SPOCK3: variants seen among roughly 807,000 people sequenced by gnomAD.
SPOCK3 encodes the protein SPARC (osteonectin), cwcv and kazal like domains proteoglycan 3.
SPOCK3 carries 30 observed loss-of-function variants against 56.6 expected under a neutral mutation model. That is an observed-to-expected ratio of 0.53 (90% confidence interval 0.40 to 0.72). SPOCK3 has a LOEUF of 0.72. Among genes scored for constraint, SPOCK3 ranks in the 30% least tolerant of loss-of-function variants. The pLI, the probability that SPOCK3 is intolerant of heterozygous loss-of-function variation, is 0.00. For synonymous variants in SPOCK3, 196 were observed against 183.3 expected, an observed-to-expected ratio of 1.07 and a Z score of -0.56; for missense variants, 527 against 530.0, an observed-to-expected ratio of 0.99 and a Z score of 0.06.
At chr4:167,000,544 G>C in intron 3 of SPOCK3, 81 bp from the exon 4 acceptor site, 1 of 666,042 alleles carries the variant, frequency 1.5e-6, no homozygotes, top group South Asian at 1.9e-5. Context: ...AATTTGATCA[G>C]GTCATTTACA....
chr4:167,155,292 A>G (rs1436121698), intron 2 of SPOCK3, among the ~76,000 whole-genome samples: 1 of 151,326 alleles, frequency 6.6e-6, no homozygotes, highest in Admixed American at 6.6e-5. Context: ...AATATTTTCT[A>G]TTTTTGTTAG....
intron 6 of SPOCK3, among the ~76,000 whole-genome samples, chr4:166,864,442 C>T (rs527660681): frequency 3.3e-5 from 5 of 152,022 alleles, no homozygotes; most frequent in Non-Finnish European, 5.9e-5. Flanking sequence ...CAGGGAAGAA[C>T]TGAAGGAGAT....
intron 6 of SPOCK3, among the ~76,000 whole-genome samples, chr4:166,796,117 C>T (rs1176219004): frequency 6.6e-6 from 1 of 152,138 alleles, no homozygotes; most frequent in Non-Finnish European, 1.5e-5. Context: ...GCTGGTGCTG[C>T]CCTGATCTTG....
chr4:166,750,828 T>C (rs1481636328), intron 8 of SPOCK3, among the ~76,000 whole-genome samples: 1 of 152,202 alleles, frequency 6.6e-6, no homozygotes, highest in Non-Finnish European at 1.5e-5. Context: ...TTGAAAGAAG[T>C]CATTTCTAAG....
intron 6 of SPOCK3, among the ~76,000 whole-genome samples, chr4:166,826,559 G>C (rs1026875136): frequency 2.6e-5 from 4 of 152,036 alleles, no homozygotes; most frequent in Non-Finnish European, 5.9e-5. Context: ...CATTTTTGTG[G>C]AGAACTCTCC....
chr4:167,110,884 A>T (rs1241550987), intron 2 of SPOCK3, among the ~76,000 whole-genome samples: 1 of 151,968 alleles, frequency 6.6e-6, no homozygotes, highest in East Asian at 1.9e-4. Context: ...CATATAATTT[A>T]TTATACTGGT....
chr4:167,113,587 TACCTAAGG>T (rs1761090134), intron 2 of SPOCK3, among the ~76,000 whole-genome samples: 1 of 152,046 alleles, frequency 6.6e-6, no homozygotes, highest in South Asian at 2.1e-4. Flanking sequence ...ATAAAAACTT[TACCTAAGG>T]GTCTATTAAG....
At chr4:166,761,895 T>TAAAAAA (rs748340803) in intron 7 of SPOCK3, among the ~76,000 whole-genome samples, 1 of 103,384 alleles carries the variant, frequency 9.7e-6, no homozygotes, top group East Asian at 4.4e-4. Context: ...TAGAGTATAA[T>TAAAAAA]AAAAAAAAAA....
intron 2 of SPOCK3, among the ~76,000 whole-genome samples, chr4:167,206,678 C>G (rs1203412047): frequency 1.3e-5 from 2 of 151,942 alleles, no homozygotes; most frequent in East Asian, 3.9e-4. Context: ...CAATAAAACT[C>G]CATCTTAAGA....
chr4:167,070,129 A>T (rs1037576177), intron 2 of SPOCK3, among the ~76,000 whole-genome samples: 1 of 151,994 alleles, frequency 6.6e-6, no homozygotes, highest in Non-Finnish European at 1.5e-5. Flanking sequence ...ACCCAAATAG[A>T]ACATAATTAC....
At chr4:166,950,047 C>T (rs1252435410) in intron 4 of SPOCK3, among the ~76,000 whole-genome samples, 2 of 150,302 alleles carry the variant, frequency 1.3e-5, no homozygotes, top group Non-Finnish European at 2.9e-5. Context: ...AAATAACCAG[C>T]TAACTTCATA....
At chr4:166,796,517 T>G (rs1020434174) in intron 6 of SPOCK3, among the ~76,000 whole-genome samples, 1 of 152,282 alleles carries the variant, frequency 6.6e-6, no homozygotes, top group South Asian at 2.1e-4. Context: ...TTAAAGCACT[T>G]CTAAGGTCAC....
intron 3 of SPOCK3, 56 bp downstream of exon 3, chr4:167,062,436 A>G (rs1755700468): frequency 7.5e-7 from 1 of 1,326,598 alleles, no homozygotes; most frequent in Non-Finnish European, 1.1e-6. Flanking sequence ...CATTTCTAAA[A>G]GTACAATGAT....
chr4:167,186,251 A>G (rs190911710), intron 2 of SPOCK3, among the ~76,000 whole-genome samples: 1 of 152,346 alleles, frequency 6.6e-6, no homozygotes, highest in East Asian at 1.9e-4. Flanking sequence ...AAAGAGAAAA[A>G]TCTAAAAAAA....
At chr4:167,008,215 G>C (rs1446950236) in intron 3 of SPOCK3, among the ~76,000 whole-genome samples, 1 of 151,730 alleles carries the variant, frequency 6.6e-6, no homozygotes, top group East Asian at 1.9e-4. Context: ...AAATGTACTA[G>C]ATCATAAAGA....
At chr4:166,769,766 G>T (rs1738675584) in intron 7 of SPOCK3, among the ~76,000 whole-genome samples, 1 of 152,174 alleles carries the variant, frequency 6.6e-6, no homozygotes, top group Non-Finnish European at 1.5e-5. Flanking sequence ...CTTTTGTTCA[G>T]CTATGCCCTG....
At chr4:166,908,472 G>C (rs1280436116) in intron 5 of SPOCK3, among the ~76,000 whole-genome samples, 2 of 142,206 alleles carry the variant, frequency 1.4e-5, no homozygotes, top group Non-Finnish European at 3.0e-5. Context: ...AGCTGGATTT[G>C]AAAACTGCAG....
At chr4:167,073,573 TTTAA>T (rs1284284279) in intron 2 of SPOCK3, among the ~76,000 whole-genome samples, 1 of 151,854 alleles carries the variant, frequency 6.6e-6, no homozygotes, top group African/African-American at 2.4e-5. Context: ...ATAACTGAAC[TTTAA>T]TTATTTCCCT....
At chr4:166,802,130 T>C (rs895122201) in intron 6 of SPOCK3, among the ~76,000 whole-genome samples, 1 of 151,616 alleles carries the variant, frequency 6.6e-6, no homozygotes, top group Admixed American at 6.6e-5. Flanking sequence ...ACACATAAAT[T>C]AGAGAAAAAA....
Sources: gnomAD v4.1 joint callset for allele counts (sites outside exome capture counted in the v4.1 genomes callset) on GRCh38, gnomAD v4.1.1 for gene constraint, MANE v1.5 for transcripts, NCBI Gene and HGNC (gene_info 2026-07-23, HGNC 2026-07-21) for gene names.